DYNC1I2: variants seen among roughly 807,000 people sequenced by gnomAD.
DYNC1I2 encodes the protein dynein cytoplasmic 1 intermediate chain 2, also known as cytoplasmic dynein 1 intermediate chain 2.
A neutral mutation model predicts 88.6 loss-of-function variants in DYNC1I2; 53 were observed. The observed-to-expected ratio is 0.60, with a 90% CI of 0.48 to 0.75. DYNC1I2 has a LOEUF of 0.75. Among genes scored for constraint, DYNC1I2 ranks in the 30% least tolerant of loss-of-function variants. The pLI, the probability that DYNC1I2 is intolerant of heterozygous loss-of-function variation, is 0.00. For missense variants in DYNC1I2, 458 were observed against 766.6 expected, an observed-to-expected ratio of 0.60 and a Z score of 4.75; for synonymous variants, 198 against 254.6, an observed-to-expected ratio of 0.78 and a Z score of 2.12.
intron 5 of DYNC1I2, among the ~76,000 whole-genome samples, chr2:171,712,237 C>T (rs1687174514): frequency 6.6e-6 from 1 of 152,112 alleles, no homozygotes; most frequent in Admixed American, 6.5e-5. Context: ...TTTTGTATCC[C>T]AGTGGGATAG....
rs924034945 is a variant in DYNC1I2, at chr2:171,748,539, C to A, written c.*650C>A. On this transcript the variant is annotated 3_prime_UTR_variant, in exon 18 of 18. Coordinates refer to ENST00000397119, the MANE Select transcript of DYNC1I2 (RefSeq NM_001378.3). ...ATCTCAAATCCTATAGAGCTGTGTA[C>A]CCTAAATATACCATGTGGTATATAC... 2.0e-5 allele frequency: 3 copies of A among 152,142 alleles called. No homozygotes were observed. Among genetic ancestry groups the A allele is most frequent in the Non-Finnish European group, 4.4e-5 (3 of 68,022 alleles). The allele number at this position is 152,142 out of a possible 1,614,324, so 9.4% of individuals were successfully genotyped here. A position where few individuals can be genotyped will look rare whatever the true frequency, so the allele number is the denominator to read the frequency against.
intron 15 of DYNC1I2, among the ~76,000 whole-genome samples, chr2:171,733,548 T>C (rs1324166353): frequency 6.7e-6 from 1 of 149,424 alleles, no homozygotes; most frequent in Non-Finnish European, 1.5e-5. Context: ...TGGTTTTGAT[T>C]TGCATTTCTC....
At chr2:171,695,855 A>G (rs1283770960) in intron 3 of DYNC1I2, among the ~76,000 whole-genome samples, 2 of 152,204 alleles carry the variant, frequency 1.3e-5, no homozygotes, top group African/African-American at 2.4e-5. Flanking sequence ...CCATATTCAC[A>G]TGATGACTGG....
At chr2:171,688,828 C>T (rs1368910773) in intron 1 of DYNC1I2, among the ~76,000 whole-genome samples, 1 of 152,100 alleles carries the variant, frequency 6.6e-6, no homozygotes, top group Non-Finnish European at 1.5e-5. Flanking sequence ...GAGATTTCCC[C>T]TAACCTCTGG....
rs774527864 is a variant in DYNC1I2, at chr2:171,725,950, G to T, written c.639G>T (p.Lys213Asn). The change falls in exon 9 of 18, where the codon AAG (lysine) becomes AAT (asparagine). Residue 213 changes from lysine (K) to asparagine (N), a missense_variant. Lys to Asn is a moderately conservative substitution (Grantham distance 94). Around this residue, in one of 5 missense-constraint regions of DYNC1I2, gnomAD observed 203 missense variants for 354.2 expected, o/e 0.57. Transcript: ENST00000397119. ...APPHELTEEE[K>N]QQILHSEEFL... ...CTCATGAGCTGACTGAAGAAGAAAAGCAACAAATCTTGCACTCTGAGGAAT... is the reference window on the plus strand; with the variant it reads ...CTCATGAGCTGACTGAAGAAGAAAATCAACAAATCTTGCACTCTGAGGAAT... 1 of 1,578,904 alleles carries T rather than the reference G, an allele frequency of 6.3e-7. No individual in the cohort carries two copies.
At chr2:171,693,127 C>A in intron 3 of DYNC1I2, 1 of 436,016 alleles carries the variant, frequency 2.3e-6, no homozygotes, top group Non-Finnish European at 4.2e-6. Context: ...CAATTGACTT[C>A]TCTTATTAAA....
intron 5 of DYNC1I2, among the ~76,000 whole-genome samples, chr2:171,711,651 A>G (rs1235311631): frequency 1.3e-5 from 2 of 152,232 alleles, no homozygotes; most frequent in Non-Finnish European, 2.9e-5. Flanking sequence ...TTGCATACAC[A>G]TAACCTTGTT....
At chr2:171,705,993 CT>C (rs1187586433) in intron 3 of DYNC1I2, among the ~76,000 whole-genome samples, 1 of 151,770 alleles carries the variant, frequency 6.6e-6, no homozygotes, top group Non-Finnish European at 1.5e-5. Flanking sequence ...CAGTTTTATA[CT>C]TATGTTTAAG....
At chr2:171,717,748 A>G (rs956465492) in intron 7 of DYNC1I2, among the ~76,000 whole-genome samples, 1 of 152,206 alleles carries the variant, frequency 6.6e-6, no homozygotes, top group Non-Finnish European at 1.5e-5. Context: ...GAAAGTGACC[A>G]GAATAACCAA....
intron 15 of DYNC1I2, among the ~76,000 whole-genome samples, chr2:171,733,406 A>G (rs1688758068): frequency 7.3e-6 from 1 of 137,608 alleles, no homozygotes; most frequent in African/African-American, 2.7e-5. Context: ...AATGGTTGAT[A>G]CTCCCACCAA....
chr2:171,736,396 G>T (rs1236538145), intron 15 of DYNC1I2, among the ~76,000 whole-genome samples: 2 of 152,178 alleles, frequency 1.3e-5, no homozygotes. Context: ...AATTTACAAT[G>T]AAAAACATAA....
chr2:171,737,377 TG>T (rs375204437), intron 15 of DYNC1I2, among the ~76,000 whole-genome samples: 188 of 152,328 alleles, frequency 1.2e-3, no homozygotes, highest in Non-Finnish European at 2.3e-3. Context: ...ACACGAATTT[TG>T]GGAAGACACT....
At chr2:171,728,916 CTTAT>C in intron 14 of DYNC1I2, 66 bp downstream of exon 14, 1 of 1,480,490 alleles carries the variant, frequency 6.8e-7, no homozygotes. Flanking sequence ...AACAAATTGT[CTTAT>C]TTAAGTAGAA....
At chr2:171,726,733 T>TTA in intron 10 of DYNC1I2, 58 bp from the exon 11 acceptor site, 1 of 1,591,760 alleles carries the variant, frequency 6.3e-7, no homozygotes, top group Non-Finnish European at 8.6e-7. Flanking sequence ...ATAACTAGGA[T>TTA]TATAAAACAG....
intron 7 of DYNC1I2, among the ~76,000 whole-genome samples, chr2:171,720,754 G>T (rs1424348255): frequency 6.6e-6 from 1 of 151,956 alleles, no homozygotes; most frequent in Non-Finnish European, 1.5e-5. Context: ...AAATAAAATG[G>T]ATTTTTAAAA....
chr2:171,723,593 T>C (rs1688040487), intron 7 of DYNC1I2, among the ~76,000 whole-genome samples: 1 of 152,208 alleles, frequency 6.6e-6, no homozygotes, highest in Non-Finnish European at 1.5e-5. Context: ...AGATTAATAA[T>C]TCGTTGTATA....
chr2:171,701,189 T>C (rs1221970236), intron 3 of DYNC1I2, among the ~76,000 whole-genome samples: 2 of 152,172 alleles, frequency 1.3e-5, no homozygotes, highest in African/African-American at 4.8e-5. Flanking sequence ...TCCCCTGCTA[T>C]TTTTCTTTTT....
chr2:171,726,745 T>G lies in DYNC1I2; in HGVS notation c.871-46T>G, dbSNP rs771873215. On this transcript the variant is annotated intron_variant, in intron 10 of 17. Coordinates refer to ENST00000397119, the MANE Select transcript of DYNC1I2 (RefSeq NM_001378.3). ...CAAATAACTAGGATTATAAAACAGTTCTTATTATGCATAGCATTTCTTTTC... is the reference window on the plus strand; with the variant it reads ...CAAATAACTAGGATTATAAAACAGTGCTTATTATGCATAGCATTTCTTTTC... The G allele has an allele frequency of 2.7e-5, 44 of 1,602,122 alleles. 1 individual carries two copies. The South Asian group carries it at 4.8e-4, about 18-fold the overall frequency.
At chr2:171,732,940 G>C (rs1210352946) in intron 15 of DYNC1I2, among the ~76,000 whole-genome samples, 2 of 152,078 alleles carry the variant, frequency 1.3e-5, no homozygotes, top group Non-Finnish European at 2.9e-5. Context: ...GTATCACCCA[G>C]GTATTAAGCC....
Sources: gnomAD v4.1 joint callset for allele counts (sites outside exome capture counted in the v4.1 genomes callset) on GRCh38, gnomAD v4.1.1 for gene constraint, gnomAD v4.1.1 regional missense constraint, MANE v1.5 for transcripts, NCBI Gene and HGNC (gene_info 2026-07-23, HGNC 2026-07-21) for gene names.